The following ACSS3 variants were observed in gnomAD, a reference collection of about 807,000 sequenced individuals.
ACSS3 encodes acyl-CoA synthetase short chain family member 3, also known as acyl-CoA synthetase short-chain family member 3, mitochondrial.
In ACSS3, 64 loss-of-function variants were observed where a neutral mutation model predicts 84.2. That is an observed-to-expected ratio of 0.76 (90% CI 0.62 to 0.94). The LOEUF (loss-of-function observed/expected upper bound fraction) is 0.94, where lower values mean the gene tolerates loss of function less well. ACSS3 is among the 40% of genes least tolerant of loss of function. The pLI, the probability that ACSS3 is intolerant of heterozygous loss-of-function variation, is 0.00. For missense variants in ACSS3, 815 were observed against 867.6 expected, an observed-to-expected ratio of 0.94 and a Z score of 0.76; for synonymous variants, 317 against 310.1, an observed-to-expected ratio of 1.02 and a Z score of -0.23.
chr12:81,128,219 A>T (rs1885241443), intron 2 of ACSS3, among the ~76,000 whole-genome samples: 1 of 151,892 alleles, frequency 6.6e-6, no homozygotes, highest in East Asian at 1.9e-4. Context: ...TGGTGTAAGG[A>T]CCAACCATTT....
At chr12:81,225,114 A>G (rs1002708345) in intron 11 of ACSS3, among the ~76,000 whole-genome samples, 3 of 151,700 alleles carry the variant, frequency 2.0e-5, no homozygotes, top group African/African-American at 4.8e-5. Flanking sequence ...GCACCCACTG[A>G]GAGTCTTGGA....
chr12:81,129,794 G>C (rs1176144600), intron 2 of ACSS3, among the ~76,000 whole-genome samples: 1 of 106,118 alleles, frequency 9.4e-6, no homozygotes, highest in Non-Finnish European at 1.8e-5. Context: ...CCCCATGATA[G>C]GCCCCCGTGT....
At chr12:81,213,899 T>G (rs1255088493) in intron 9 of ACSS3, among the ~76,000 whole-genome samples, 10 of 61,856 alleles carry the variant, frequency 1.6e-4, no homozygotes, top group African/African-American at 5.0e-4. Flanking sequence ...CTTTCTTTCT[T>G]TTGTCCTTCC....
intron 4 of ACSS3, among the ~76,000 whole-genome samples, chr12:81,142,775 A>C (rs1369567378): frequency 6.6e-6 from 1 of 152,256 alleles, no homozygotes; most frequent in African/African-American, 2.4e-5. Flanking sequence ...ATTAGTGTAC[A>C]TACATCTATA....
chr12:81,252,727 T>G (rs918424717), intron 13 of ACSS3, among the ~76,000 whole-genome samples: 5 of 152,128 alleles, frequency 3.3e-5, no homozygotes, highest in Non-Finnish European at 7.4e-5. Flanking sequence ...AATATAGTTC[T>G]TCAACAGTGG....
chr12:81,155,711 T>C (rs568332627), intron 7 of ACSS3, among the ~76,000 whole-genome samples: 7 of 152,250 alleles, frequency 4.6e-5, no homozygotes, highest in Non-Finnish European at 7.3e-5. Context: ...AGGGCTGATA[T>C]TCAGCTCATG....
chr12:81,259,443 AGAT>A lies in ACSS3; in HGVS notation c.*4526_*4528del, dbSNP rs1381708643. 4.5e-6 allele frequency: 3 copies of A among 661,596 alleles called. No homozygotes were observed. Among genetic ancestry groups the A allele is most frequent in the Admixed American group, 2.5e-5 (1 of 40,738 alleles). The allele number at this position is 661,596 out of a possible 1,614,324, so 41.0% of individuals were successfully genotyped here. ...ATCTGTTGTACAGAGTTTATGATGT[AGAT>A]GATGTTTATTATTCAAATGACTTAA... On this transcript the variant is annotated 3_prime_UTR_variant, in exon 16 of 16. Transcript: ENST00000548058.
At chr12:81,254,743 A>T in intron 15 of ACSS3, 114 bp from the exon 16 acceptor site, 1 of 773,992 alleles carries the variant, frequency 1.3e-6, no homozygotes, top group Non-Finnish European at 2.0e-6. Context: ...TAAACTTTCC[A>T]TATGAATATT....
In ACSS3 at chr12:81,257,079, A is replaced by G. The variant is rs2034326301; in HGVS notation, c.*2157A>G. 6.6e-6 allele frequency: 1 copy of G among 152,120 alleles called. No homozygotes were observed. The highest frequency in any genetic ancestry group is 1.5e-5 in the Non-Finnish European group (1 of 68,020). 9.4% of individuals were successfully genotyped at this position (152,120 alleles called of 1,614,324 possible). A position where few individuals can be genotyped will look rare whatever the true frequency, so the allele number is the denominator to read the frequency against. ...TATCATTGTTCATTTGCAAGGTTTA[A>G]GCTCAGGCAGATCCAATAATTAGGT... On this transcript the variant is annotated 3_prime_UTR_variant, in exon 16 of 16. Coordinates refer to ENST00000548058, the MANE Select transcript of ACSS3 (RefSeq NM_024560.4).
intron 8 of ACSS3, among the ~76,000 whole-genome samples, chr12:81,179,134 A>C (rs1257124177): frequency 6.6e-6 from 1 of 152,098 alleles, no homozygotes; most frequent in Non-Finnish European, 1.5e-5. Flanking sequence ...ACCACATACA[A>C]AAATCAACTC....
intron 7 of ACSS3, among the ~76,000 whole-genome samples, chr12:81,158,877 T>G (rs1394719173): frequency 6.6e-6 from 1 of 152,122 alleles, no homozygotes; most frequent in East Asian, 1.9e-4. Context: ...TTAGGCTCCT[T>G]TGATGTGTTC....
At chr12:81,142,561 T>G (rs1886142041) in intron 4 of ACSS3, among the ~76,000 whole-genome samples, 1 of 152,208 alleles carries the variant, frequency 6.6e-6, no homozygotes, top group African/African-American at 2.4e-5. Flanking sequence ...TGGATTTTAG[T>G]CTTCAAAAAG....
chr12:81,188,236 A>G (rs187894227), intron 8 of ACSS3, among the ~76,000 whole-genome samples: 214 of 152,118 alleles, frequency 1.4e-3, no homozygotes, highest in Non-Finnish European at 1.5e-3. Flanking sequence ...CCTTAGGAAT[A>G]TGAGAATTTT....
rs553441946 is a variant in ACSS3, at chr12:81,158,479, G to A, written c.1098+6383G>A. The A allele has an allele frequency of 3.3e-5, 5 of 153,780 alleles. No homozygotes were observed. In the East Asian group the frequency reaches 8.0e-4, roughly 25 times the overall value. 9.5% of individuals were successfully genotyped at this position (153,780 alleles called of 1,614,324 possible). A position where few individuals can be genotyped will look rare whatever the true frequency, so the allele number is the denominator to read the frequency against. ...CAATTGCTGTCACCATCATTCCATA[G>A]CTACAGCTTTTCCTAACATCCCCAG... On this transcript the variant is annotated intron_variant, in intron 7 of 15. Coordinates refer to ENST00000548058, the MANE Select transcript of ACSS3 (RefSeq NM_024560.4).
chr12:81,141,543 T>A (rs1327447315), intron 4 of ACSS3, among the ~76,000 whole-genome samples: 1 of 152,190 alleles, frequency 6.6e-6, no homozygotes, highest in Admixed American at 6.5e-5. Context: ...TAAATGCATA[T>A]ATGTGAAAGT....
intron 2 of ACSS3, among the ~76,000 whole-genome samples, chr12:81,127,387 T>C (rs1349074440): frequency 6.6e-6 from 1 of 152,202 alleles, no homozygotes; most frequent in Non-Finnish European, 1.5e-5. Context: ...GCATAGTTAA[T>C]GCATGGACTA....
chr12:81,220,123 G>C, intron 11 of ACSS3, 47 bp downstream of exon 11: 1 of 1,238,816 alleles, frequency 8.1e-7, no homozygotes, highest in Non-Finnish European at 1.1e-6. Flanking sequence ...AAAAACTGGT[G>C]TATATACTAA....
intron 7 of ACSS3, among the ~76,000 whole-genome samples, chr12:81,157,971 A>G (rs1033198976): frequency 5.4e-4 from 71 of 131,600 alleles, no homozygotes; most frequent in Middle Eastern, 3.8e-3. Flanking sequence ...CACACACACA[A>G]ATCCCATAAC....
chr12:81,081,491 G>T (rs1324059601), intron 1 of ACSS3, among the ~76,000 whole-genome samples: 1 of 152,146 alleles, frequency 6.6e-6, no homozygotes, highest in Non-Finnish European at 1.5e-5. Flanking sequence ...TGCAATCATA[G>T]TAATTTCTTC....
Sources: allele counts gnomAD v4.1 joint callset (sites outside exome capture counted in the v4.1 genomes callset), GRCh38; gene constraint gnomAD v4.1.1; transcripts MANE v1.5; gene names NCBI Gene and HGNC (gene_info 2026-07-23, HGNC 2026-07-21).